NPEPPS: variants seen among roughly 807,000 people sequenced by gnomAD.
The protein encoded by NPEPPS is aminopeptidase puromycin sensitive, also known as puromycin-sensitive aminopeptidase.
Under a neutral mutation model 115.5 loss-of-function variants are expected in NPEPPS, and 14 were observed. The observed-to-expected ratio is 0.12, with a 90% CI of 0.08 to 0.19. NPEPPS has a LOEUF of 0.19. Among genes scored for constraint, NPEPPS ranks in the 10% least tolerant of loss-of-function variants. The pLI is 1.00. For missense variants in NPEPPS, 523 were observed against 1,110.8 expected (o/e 0.47, Z 7.52); for synonymous variants, 285 against 390.6 (o/e 0.73, Z 3.19).
chr17:47,586,132 G>C lies in NPEPPS; in HGVS notation c.850-16G>C. ...AACATATTTATTAGATGGTTATTTT[G>C]TTTATACTTTTATAGGTTGCTGCTA... On this transcript the variant is annotated splice_polypyrimidine_tract_variant and intron_variant, in intron 6 of 22. Transcript: ENST00000322157. 1 of 645,132 alleles carries C rather than the reference G, an allele frequency of 1.6e-6. No homozygotes were observed. The highest frequency in any genetic ancestry group is 2.4e-6 in the Non-Finnish European group (1 of 416,380). The allele number at this position is 645,132 out of a possible 1,614,324, so 40.0% of individuals were successfully genotyped here. A position where few individuals can be genotyped will look rare whatever the true frequency, so the allele number is the denominator to read the frequency against.
rs1555603815 is a variant in NPEPPS at position 47,546,043 on chromosome 17, G to GGGGTGT, written c.340+51_340+52insGGTGTG. Reference sequence around the variant, plus strand: ...TTGCTGTCTGCATGTGCATATGTGGGGTGTGTGTGTGTGTGTGTGTGTGTG... The same window carrying GGGGTGT: ...TTGCTGTCTGCATGTGCATATGTGGGGGGTGTGTGTGTGTGTGTGTGTGTGTGTGTG... On this transcript the variant is annotated intron_variant, in intron 2 of 22. Coordinates refer to ENST00000322157, the MANE Select transcript of NPEPPS (RefSeq NM_006310.4). 1.1e-4 allele frequency: 133 copies of GGGGTGT among 1,213,864 alleles called. No homozygotes were observed. In the African/African-American group the frequency reaches 1.8e-3, roughly 17 times the overall value. The allele number at this position is 1,213,864 out of a possible 1,614,324, so 75.2% of individuals were successfully genotyped here. A position where few individuals can be genotyped will look rare whatever the true frequency, so the allele number is the denominator to read the frequency against.
At chr17:47,580,141 A>C (rs1185142003) in intron 4 of NPEPPS, 1 of 152,192 alleles carries the variant, frequency 6.6e-6, no homozygotes, top group East Asian at 1.9e-4. Flanking sequence ...GAAACAATTC[A>C]TGATATCCGT....
At chr17:47,582,398 T>C in intron 4 of NPEPPS, 1 of 244,400 alleles carries the variant, frequency 4.1e-6, no homozygotes, top group Middle Eastern at 1.8e-3. Context: ...TCTTATAGCA[T>C]ACTCTTTACT....
chr17:47,579,626 A>G lies in NPEPPS; in HGVS notation c.540+115A>G, dbSNP rs996559544. Reference sequence around the variant, plus strand: ...GCTAGGTGCCCTTGGCCATGATTGTATTCACAATTTTAGAATTTTTATTTT... The same window carrying G: ...GCTAGGTGCCCTTGGCCATGATTGTGTTCACAATTTTAGAATTTTTATTTT... On this transcript the variant is annotated intron_variant, in intron 4 of 22. Coordinates refer to ENST00000322157, the MANE Select transcript of NPEPPS (RefSeq NM_006310.4). The G allele has an allele frequency of 8.7e-5, 80 of 919,482 alleles. 1 individual carries two copies. Among genetic ancestry groups the G allele is most frequent in the Admixed American group, 4.2e-4 (14 of 33,064 alleles). The allele number at this position is 919,482 out of a possible 1,614,324, so 57.0% of individuals were successfully genotyped here. A position where few individuals can be genotyped will look rare whatever the true frequency, so the allele number is the denominator to read the frequency against.
intron 2 of NPEPPS, among the ~76,000 whole-genome samples, chr17:47,561,053 A>G (rs1669793702): frequency 2.0e-5 from 3 of 152,246 alleles, no homozygotes; most frequent in Admixed American, 2.0e-4. Context: ...ATCTCAATGT[A>G]ATGCCTAGGC....
intron 5 of NPEPPS, among the ~76,000 whole-genome samples, chr17:47,584,102 C>T (rs1242280671): frequency 6.6e-6 from 1 of 150,462 alleles, no homozygotes; most frequent in East Asian, 2.0e-4. Context: ...GCACCTGTAA[C>T]CCCAGCTACT....
At chr17:47,596,161 C>T in intron 12 of NPEPPS, 192 bp from the exon 13 acceptor site, 1 of 455,466 alleles carries the variant, frequency 2.2e-6, no homozygotes, top group African/African-American at 2.0e-5. Flanking sequence ...TCAAAAAATA[C>T]CAGTTTTTAT....
intron 1 of NPEPPS, among the ~76,000 whole-genome samples, chr17:47,543,483 ATTTTT>A (rs1244034572): frequency 8.5e-6 from 1 of 118,132 alleles, no homozygotes; most frequent in Non-Finnish European, 1.7e-5. Flanking sequence ...GGCCTGGCTA[ATTTTT>A]TTTTTTTTTT....
rs1355308454 is a variant in NPEPPS at position 47,622,947 on chromosome 17, A to G, written c.*1027A>G. The G allele has an allele frequency of 1.1e-5, 5 of 455,846 alleles. No individual in the cohort carries two copies. Among genetic ancestry groups the G allele is most frequent in the African/African-American group, 2.0e-5 (1 of 50,066 alleles). 28.2% of individuals were successfully genotyped at this position (455,846 alleles called of 1,614,324 possible). The stretch of plus-strand genomic sequence containing the variant: ...TGGTAACTGCTGCAGGGCTTAATAC[A>G]TTAGTGGTAACTGGTTTAAAAAACA... On this transcript the variant is annotated 3_prime_UTR_variant, in exon 23 of 23. Coordinates refer to ENST00000322157, the MANE Select transcript of NPEPPS (RefSeq NM_006310.4).
In NPEPPS at chr17:47,610,395, G is replaced by C. The variant is rs569465684; in HGVS notation, c.2096-2065G>C. Reference sequence around the variant, plus strand: ...TCAGTCTTTCATTCCTTTTTTTTTTGGGGGGGGGTAACAGAGTCTCACACT... The same window carrying C: ...TCAGTCTTTCATTCCTTTTTTTTTTCGGGGGGGGTAACAGAGTCTCACACT... On this transcript the variant is annotated intron_variant, in intron 17 of 22. Transcript: ENST00000322157. Among the ~76,000 whole-genome samples the C allele has an allele frequency of 3.6e-4, 51 of 142,112 alleles. 1 individual carries two copies. Among genetic ancestry groups the C allele is most frequent in the African/African-American group, 1.3e-3 (47 of 36,386 alleles). The allele number at this position is 142,112 out of a possible 152,430, so 93.2% of individuals were successfully genotyped here. A position where few individuals can be genotyped will look rare whatever the true frequency, so the allele number is the denominator to read the frequency against.
chr17:47,529,737 T>TA (rs59313546), upstream of NPEPPS, among the ~76,000 whole-genome samples: 2,564 of 25,574 alleles, frequency 0.1, 524 homozygotes, highest in Non-Finnish European at 0.15. Flanking sequence ...TTCAGTTACA[T>TA]TATATATATA....
At chr17:47,561,088 A>G (rs1175574165) in intron 2 of NPEPPS, among the ~76,000 whole-genome samples, 1 of 152,204 alleles carries the variant, frequency 6.6e-6, no homozygotes, top group Non-Finnish European at 1.5e-5. Flanking sequence ...GCTTGTATAG[A>G]TGGTATAAGC....
At chr17:47,557,038 T>C (rs1016608346) in intron 2 of NPEPPS, among the ~76,000 whole-genome samples, 5 of 152,230 alleles carry the variant, frequency 3.3e-5, no homozygotes, top group African/African-American at 1.2e-4. Context: ...TTGACTATTA[T>C]TTCCTTATTA....
At chr17:47,603,677 T>G in intron 15 of NPEPPS, 1 of 381,792 alleles carries the variant, frequency 2.6e-6, no homozygotes, top group Non-Finnish European at 4.7e-6. Flanking sequence ...TGTCCCTTCC[T>G]TGTTCTTTCT....
chr17:47,605,546 G>A lies in NPEPPS; in HGVS notation c.2089G>A (p.Gly697Arg), dbSNP rs1913463570. The A allele has an allele frequency of 1.3e-6, 2 of 1,579,656 alleles. No homozygotes were observed. Among genetic ancestry groups the A allele is most frequent in the Admixed American group, 1.8e-5 (1 of 55,448 alleles). Reference sequence around the variant, plus strand: ...GAGACTGGGCTGGGACCCCAAACCTGGAGAAGGTAATGGATATACTAAATG... The same window carrying A: ...GAGACTGGGCTGGGACCCCAAACCTAGAGAAGGTAATGGATATACTAAATG... Reference protein sequence around the residue: ...GERLGWDPKPGEGHLDALLRG... With the variant: ...GERLGWDPKPREGHLDALLRG... The change falls in exon 17 of 23, where the codon GGA becomes AGA. Residue 697 changes from glycine (G) to arginine (R), a missense_variant. Physicochemically the swap from Gly to Arg is moderately radical, Grantham distance 125. Coordinates refer to ENST00000322157, the MANE Select transcript of NPEPPS (RefSeq NM_006310.4).
rs534292040 is a variant in NPEPPS at position 47,547,073 on chromosome 17, C to T, written c.340+1080C>T. ...ATTGAGATAAGTCATACTCCTAATT[C>T]GGAGAAAAACATTTGCTTTATGAGA... On this transcript the variant is annotated intron_variant, in intron 2 of 22. Coordinates refer to ENST00000322157, the MANE Select transcript of NPEPPS (RefSeq NM_006310.4). Among the ~76,000 whole-genome samples, 13 of 151,292 alleles carry T rather than the reference C, an allele frequency of 8.6e-5. 1 individual carries two copies. The South Asian group carries it at 2.5e-3, about 29-fold the overall frequency.
At chr17:47,559,834 C>A in intron 2 of NPEPPS, 1 of 326,012 alleles carries the variant, frequency 3.1e-6, no homozygotes, top group South Asian at 2.4e-5. Flanking sequence ...TACTTGAACT[C>A]CTGGGCTTAA....
At chr17:47,601,338 ATAAT>A (rs1348708546) in intron 14 of NPEPPS, among the ~76,000 whole-genome samples, 3 of 152,070 alleles carry the variant, frequency 2.0e-5, no homozygotes, top group East Asian at 1.9e-4. Context: ...GGGGAAAATG[ATAAT>A]TAAGTTTAAG....
At chr17:47,525,966 T>C (rs907805655) in intron 1 of NPEPPS, among the ~76,000 whole-genome samples, 4 of 152,154 alleles carry the variant, frequency 2.6e-5, no homozygotes, top group Non-Finnish European at 5.9e-5. Context: ...ATCCTAGCAC[T>C]TTGGGAGGCC....
Sources: gnomAD v4.1 joint callset for allele counts (sites outside exome capture counted in the v4.1 genomes callset) on GRCh38, gnomAD v4.1.1 for gene constraint, MANE v1.5 for transcripts, NCBI Gene and HGNC (gene_info 2026-07-23, HGNC 2026-07-21) for gene names.